DENND1B: variants seen among roughly 807,000 people sequenced by gnomAD.
The protein encoded by DENND1B is DENN domain containing 1B, also known as DENN domain-containing protein 1B.
In DENND1B, 59 loss-of-function variants were observed where a neutral mutation model predicts 90.1. The ratio of observed to expected loss-of-function variants is 0.65; its 90% CI spans 0.53 to 0.81. The LOEUF (loss-of-function observed/expected upper bound fraction) is 0.81. Among genes scored for constraint, DENND1B ranks in the 40% least tolerant of loss-of-function variants. The pLI is 0.00. For synonymous variants in DENND1B, 337 were observed against 324.6 expected (o/e 1.04, Z -0.41); for missense variants, 862 against 912.6 (o/e 0.94, Z 0.71).
At chr1:197,779,038 T>C (rs1208159541), upstream of DENND1B, among the ~76,000 whole-genome samples, 2 of 152,194 alleles carry the variant, frequency 1.3e-5, no homozygotes, top group African/African-American at 4.8e-5. Context: ...ATACAGTCCA[T>C]GTTTGTTTAG....
chr1:197,588,933 C>T (rs184442978), intron 14 of DENND1B, among the ~76,000 whole-genome samples: 132 of 152,050 alleles, frequency 8.7e-4, no homozygotes, highest in Non-Finnish European at 2.4e-4. Context: ...TATTTTATTA[C>T]TTTATCCTCA....
At position 197,715,091 on chromosome 1, in the gene DENND1B, T is replaced by C. The variant is rs199737823; in HGVS notation, c.83-17A>G. 4.6e-4 allele frequency: 737 copies of C among 1,606,034 alleles called. No homozygotes were observed. Among genetic ancestry groups the C allele is most frequent in the Non-Finnish European group, 5.9e-4 (690 of 1,174,480 alleles). On this transcript the variant is annotated splice_polypyrimidine_tract_variant and intron_variant, in intron 2 of 22. Coordinates refer to ENST00000620048, the MANE Select transcript of DENND1B (RefSeq NM_001195215.2). ...CCACAGGATCTGTAAATAATTGACA[T>C]GTATAATTAAACAGCAGCAAAAGAA...
intron 2 of DENND1B, among the ~76,000 whole-genome samples, chr1:197,756,362 G>A (rs886429857): frequency 4.6e-5 from 7 of 152,026 alleles, no homozygotes; most frequent in African/African-American, 1.7e-4. Flanking sequence ...ATCACTTGAG[G>A]TCAGGAGTTC....
chr1:197,511,814 T>C lies in DENND1B; in HGVS notation c.1729A>G (p.Thr577Ala), dbSNP rs1366923244. ...LLGEILDTLS[T>A]HSSDQGKLAA... is the part of the protein sequence containing the mutation. Reference sequence around the variant, plus strand: ...AGCTTCCCCTGATCTGAGCTGTGTGTGCTCAATGTATCAAGAATCTCTCCT... The same window carrying C: ...AGCTTCCCCTGATCTGAGCTGTGTGCGCTCAATGTATCAAGAATCTCTCCT... Residue 577 changes from threonine (T) to alanine (A), a missense_variant, in exon 22 of 23, where the codon ACA (threonine) becomes GCA (alanine). Physicochemically the swap from Thr to Ala is moderately conservative, Grantham distance 58 (BLOSUM62 0). Coordinates refer to ENST00000620048, the MANE Select transcript of DENND1B (RefSeq NM_001195215.2). 4 of 1,611,180 alleles carry C rather than the reference T, an allele frequency of 2.5e-6. No individual in the cohort carries two copies. In the Admixed American group the frequency reaches 5.0e-5, roughly 20 times the overall value.
At chr1:197,735,626 A>C (rs372694128) in intron 2 of DENND1B, 3 of 1,614,188 alleles carry the variant, frequency 1.9e-6, no homozygotes, top group Non-Finnish European at 2.5e-6. Context: ...CCTCCCGTGG[A>C]GCTGCCGCCA....
At chr1:197,612,088 G>T in intron 11 of DENND1B, 112 bp from the exon 12 acceptor site, 1 of 755,240 alleles carries the variant, frequency 1.3e-6, no homozygotes, top group South Asian at 2.2e-5. Flanking sequence ...CTCAGTTCCA[G>T]CATAACACAT....
chr1:197,638,957 A>AGTGTGGTATTTCTCTCTCT (rs1297739450), intron 10 of DENND1B, among the ~76,000 whole-genome samples: 1 of 152,216 alleles, frequency 6.6e-6, no homozygotes, highest in Non-Finnish European at 1.5e-5. Context: ...ACCACACTTT[A>AGTGTGGTATTTCTCTCTCT]AAATATAGGG....
chr1:197,536,164 T>TGAGATGAGAG (rs1669885007), intron 20 of DENND1B, among the ~76,000 whole-genome samples: 1 of 106,712 alleles, frequency 9.4e-6, no homozygotes, highest in Non-Finnish European at 2.3e-5. Context: ...GAGAGATAGA[T>TGAGATGAGAG]GAGATGAGAT....
intron 2 of DENND1B, among the ~76,000 whole-genome samples, chr1:197,744,294 C>G (rs572996064): frequency 6.6e-6 from 1 of 152,146 alleles, no homozygotes; most frequent in Non-Finnish European, 1.5e-5. Context: ...GAATCAGTAT[C>G]TAGGGCATCT....
chr1:197,733,739 C>G (rs1290472023), intron 2 of DENND1B, among the ~76,000 whole-genome samples: 1 of 152,196 alleles, frequency 6.6e-6, no homozygotes, highest in Non-Finnish European at 1.5e-5. Context: ...TGAAAATTAA[C>G]TAAGGTATCC....
intron 16 of DENND1B, among the ~76,000 whole-genome samples, chr1:197,552,031 GT>G (rs1671281166): frequency 6.6e-6 from 1 of 151,954 alleles, no homozygotes; most frequent in Non-Finnish European, 1.5e-5. Flanking sequence ...TATCTCAATG[GT>G]TTCTATATTT....
At chr1:197,537,694 G>A (rs945872178) in intron 20 of DENND1B, among the ~76,000 whole-genome samples, 3 of 151,840 alleles carry the variant, frequency 2.0e-5, no homozygotes, top group African/African-American at 7.2e-5. Flanking sequence ...AAAAGAAATT[G>A]TCTCTAGAAG....
At chr1:197,734,354 TA>T in intron 2 of DENND1B, 1 of 970,528 alleles carries the variant, frequency 1.0e-6, no homozygotes, top group Non-Finnish European at 1.2e-6. Context: ...TCAAGTATAT[TA>T]AGTTATGGTT....
chr1:197,745,640 A>T (rs1411636385), intron 2 of DENND1B, among the ~76,000 whole-genome samples: 1 of 135,114 alleles, frequency 7.4e-6, no homozygotes, highest in Non-Finnish European at 1.6e-5. Flanking sequence ...ATATATATAT[A>T]ATATATATAA....
At chr1:197,591,592 G>A (rs1048381267) in intron 14 of DENND1B, among the ~76,000 whole-genome samples, 14 of 152,154 alleles carry the variant, frequency 9.2e-5, no homozygotes, top group Non-Finnish European at 1.6e-4. Context: ...AGTTTGAGTA[G>A]TAGTAGTTAC....
At chr1:197,761,315 T>G (rs941505378) in intron 2 of DENND1B, among the ~76,000 whole-genome samples, 1 of 152,088 alleles carries the variant, frequency 6.6e-6, no homozygotes, top group African/African-American at 2.4e-5. Flanking sequence ...TTCTAAATAT[T>G]ATATTACTTC....
chr1:197,772,379 G>A (rs1467588219), intron 2 of DENND1B, among the ~76,000 whole-genome samples: 1 of 152,072 alleles, frequency 6.6e-6, no homozygotes, highest in Admixed American at 6.5e-5. Flanking sequence ...CAATCCCAGG[G>A]CAAAGACTTA....
intron 10 of DENND1B, among the ~76,000 whole-genome samples, chr1:197,629,827 T>C (rs968439503): frequency 2.6e-5 from 4 of 152,042 alleles, no homozygotes; most frequent in Non-Finnish European, 5.9e-5. Flanking sequence ...ATCCAAAATA[T>C]ACAAAACTCT....
chr1:197,717,081 A>G (rs1357410441), intron 2 of DENND1B, among the ~76,000 whole-genome samples: 1 of 151,932 alleles, frequency 6.6e-6, no homozygotes, highest in Non-Finnish European at 1.5e-5. Context: ...CACGCAAAAA[A>G]TTATTATAAT....
Sources: gnomAD v4.1 joint callset for allele counts (sites outside exome capture counted in the v4.1 genomes callset) on GRCh38, gnomAD v4.1.1 for gene constraint, MANE v1.5 for transcripts, NCBI Gene and HGNC (gene_info 2026-07-23, HGNC 2026-07-21) for gene names.